The following USP42 variants were observed in gnomAD, a reference collection of about 807,000 sequenced individuals.
The protein encoded by USP42 is ubiquitin carboxyl-terminal hydrolase 42.
USP42 carries 23 observed loss-of-function variants against 113.0 expected under a neutral mutation model. The observed-to-expected ratio is 0.20, with a 90% CI of 0.15 to 0.29. The LOEUF (loss-of-function observed/expected upper bound fraction) is 0.29, where lower values mean the gene tolerates loss of function less well. Among genes scored for constraint, USP42 ranks in the 10% least tolerant of loss-of-function variants. The pLI, the probability that USP42 is intolerant of heterozygous loss-of-function variation, is 1.00. For missense variants in USP42, 2,174 were observed against 1,779.8 expected (o/e 1.22, Z -3.99); for synonymous variants, 933 against 699.0 (o/e 1.33, Z -5.28).
upstream of USP42, among the ~76,000 whole-genome samples, chr7:6,103,462 A>T (rs1790196157): frequency 1.3e-5 from 2 of 149,894 alleles, no homozygotes; most frequent in Admixed American, 1.3e-4. Flanking sequence ...GGTTGCAGTG[A>T]GCCGAGATGA....
chr7:6,134,123 C>T (rs952406522), intron 3 of USP42, among the ~76,000 whole-genome samples: 2 of 152,046 alleles, frequency 1.3e-5, no homozygotes, highest in Non-Finnish European at 2.9e-5. Context: ...GATCTCCTGA[C>T]CTCGTGATCT....
chr7:6,140,096 C>G (rs763514616), intron 5 of USP42, 32 bp from the exon 6 acceptor site: 3 of 1,605,240 alleles, frequency 1.9e-6, no homozygotes, highest in South Asian at 2.2e-5. Context: ...TTGCAAAGCT[C>G]TTCTCTCATG....
intron 3 of USP42, among the ~76,000 whole-genome samples, chr7:6,130,734 T>C (rs532969162): frequency 1.3e-5 from 2 of 152,074 alleles, no homozygotes; most frequent in Non-Finnish European, 2.9e-5. Flanking sequence ...TTGTATTCTT[T>C]TATGAGATGG....
chr7:6,152,505 G>T (rs1000470599), intron 14 of USP42, among the ~76,000 whole-genome samples: 2 of 152,140 alleles, frequency 1.3e-5, no homozygotes, highest in African/African-American at 4.8e-5. Context: ...GGCCCCCGGC[G>T]GGTGGGAGTG....
chr7:6,102,819 T>C (rs1170423535), upstream of USP42, among the ~76,000 whole-genome samples: 4 of 151,054 alleles, frequency 2.6e-5, no homozygotes, highest in South Asian at 2.1e-4. Flanking sequence ...CTGTGAGCCA[T>C]AGAATGCTCA....
At chr7:6,116,767 G>A (rs747510996) in intron 3 of USP42, 4 of 532,972 alleles carry the variant, frequency 7.5e-6, no homozygotes, top group Non-Finnish European at 1.2e-5. Context: ...TTAACGTTCT[G>A]TTTGCCCTCA....
At chr7:6,105,904 A>G (rs940595902) in intron 1 of USP42, among the ~76,000 whole-genome samples, 2 of 152,160 alleles carry the variant, frequency 1.3e-5, no homozygotes, top group Non-Finnish European at 2.9e-5. Context: ...TTTATGGGAA[A>G]ACATGTTGGT....
intron 14 of USP42, among the ~76,000 whole-genome samples, chr7:6,151,524 G>A (rs778609131): frequency 1.3e-5 from 2 of 152,122 alleles, no homozygotes; most frequent in Non-Finnish European, 2.9e-5. Flanking sequence ...TGCAGCCTCC[G>A]CCTCCCAAGT....
chr7:6,089,194 G>A, the USP42 span, among the ~76,000 whole-genome samples: 9 of 147,832 alleles, frequency 6.1e-5, no homozygotes, highest in Admixed American at 2.7e-4. Context: ...ACAGGCGCCC[G>A]ACACCACGCC....
chr7:6,090,426 A>G, the USP42 span, among the ~76,000 whole-genome samples: 2 of 142,846 alleles, frequency 1.4e-5, 1 homozygote, highest in African/African-American at 5.3e-5. Context: ...GTTTATATTT[A>G]TATATATGCC....
At chr7:6,149,134 A>G (rs942689726) in intron 12 of USP42, among the ~76,000 whole-genome samples, 2 of 152,160 alleles carry the variant, frequency 1.3e-5, no homozygotes, top group African/African-American at 4.8e-5. Context: ...TGGTGGGGTC[A>G]TGGCTGAGTG....
At chr7:6,101,877 G>A (rs527469093), upstream of USP42, among the ~76,000 whole-genome samples, 48 of 149,052 alleles carry the variant, frequency 3.2e-4, 3 homozygotes, top group African/African-American at 1.2e-3. Flanking sequence ...CCAGGAGTTC[G>A]AGTCCAGCCT....
rs1229487599 is a variant in USP42, at chr7:6,139,258, C to T, written c.656+64C>T. On this transcript the variant is annotated intron_variant, in intron 5 of 17. Transcript: ENST00000306177. This position sits in a 1 kb window ranked among gnomAD's most constrained non-coding sequence, Gnocchi z 4.5. ...ATCTCTGGTTGTAGTTTATTCTTAT[C>T]AGAATTCATTTTCACCTTTTTTGTT... 28 of 1,306,052 alleles carry T rather than the reference C, an allele frequency of 2.1e-5. No individual in the cohort carries two copies. Among genetic ancestry groups the T allele is most frequent in the Non-Finnish European group, 2.8e-5 (27 of 955,612 alleles). 80.9% of individuals were successfully genotyped at this position (1,306,052 alleles called of 1,614,324 possible). A position where few individuals can be genotyped will look rare whatever the true frequency, so the allele number is the denominator to read the frequency against.
At chr7:6,093,648 C>A in the USP42 span, among the ~76,000 whole-genome samples, 1 of 147,980 alleles carries the variant, frequency 6.8e-6, no homozygotes, top group South Asian at 2.1e-4. Flanking sequence ...CTTTCCTTAC[C>A]TCTTTCTTCC....
chr7:6,104,824 G>A (rs1779164658), upstream of USP42: 1 of 150,252 alleles, frequency 6.7e-6, no homozygotes, highest in African/African-American at 2.4e-5. Flanking sequence ...CTTCTTGTGC[G>A]ACGGCCCCTG....
chr7:6,132,791 C>T (rs1247836767), intron 3 of USP42, among the ~76,000 whole-genome samples: 1 of 152,198 alleles, frequency 6.6e-6, no homozygotes, highest in Non-Finnish European at 1.5e-5. Flanking sequence ...CCTGCCTCAG[C>T]CTCCTGAGTA....
chr7:6,120,072 C>A (rs1340259852), intron 3 of USP42, among the ~76,000 whole-genome samples: 1 of 152,186 alleles, frequency 6.6e-6, no homozygotes, highest in African/African-American at 2.4e-5. Context: ...TCACGCCATT[C>A]TTCTGCCTCA....
At chr7:6,107,617 C>G (rs2128473943) in intron 1 of USP42, among the ~76,000 whole-genome samples, 1 of 152,172 alleles carries the variant, frequency 6.6e-6, no homozygotes, top group South Asian at 2.1e-4. Flanking sequence ...CCATGTTGGT[C>G]AGGCTGGTCT....
At position 6,111,200 on chromosome 7, in the gene USP42, T is replaced by C. The variant is rs536352000; in HGVS notation, c.67T>C (p.Ser23Pro). 1.2e-6 allele frequency: 2 copies of C among 1,611,794 alleles called. No homozygotes were observed. The highest frequency in any genetic ancestry group is 3.4e-5 in the Admixed American group (2 of 59,570). The change falls in exon 2 of 18, where the codon TCC becomes CCC. Residue 23 changes from serine (S) to proline (P), a missense_variant. Ser to Pro is a moderately conservative substitution (Grantham distance 74, BLOSUM62 -1). Transcript: ENST00000306177. ...PSAYQNQPGS[S>P]EAVSPGDMDA... The stretch of plus-strand genomic sequence containing the variant: ...AGCCTATCAGAATCAGCCTGGCAGC[T>C]CCGAGGCAGTCTCACCTGGAGACAT...
Sources: gnomAD v4.1 joint callset for allele counts (sites outside exome capture counted in the v4.1 genomes callset) on GRCh38, gnomAD v4.1.1 for gene constraint, Gnocchi (gnomAD v3.1) non-coding constraint, MANE v1.5 for transcripts, NCBI Gene and HGNC (gene_info 2026-07-23, HGNC 2026-07-21) for gene names.